EPS15: variants seen among roughly 807,000 people sequenced by gnomAD.
EPS15 encodes the protein epidermal growth factor receptor substrate 15.
In EPS15, 72 loss-of-function variants were observed where a neutral mutation model predicts 113.8. That is an observed-to-expected ratio of 0.63 (90% CI 0.52 to 0.77). The LOEUF (loss-of-function observed/expected upper bound fraction) is 0.77, where lower values mean the gene tolerates loss of function less well. Among genes scored for constraint, EPS15 ranks in the 30% least tolerant of loss-of-function variants. The pLI is 0.00. For synonymous variants in EPS15, 344 were observed against 363.4 expected, an observed-to-expected ratio of 0.95 and a Z score of 0.61; for missense variants, 1,048 against 1,045.8, an observed-to-expected ratio of 1.00 and a Z score of -0.03.
intron 11 of EPS15, among the ~76,000 whole-genome samples, chr1:51,443,303 GA>G (rs879388739): frequency 0.021 from 2,827 of 132,282 alleles, 85 homozygotes; most frequent in African/African-American, 0.074. Context: ...GAAGAAGGCA[GA>G]AAAAAAAAAA....
chr1:51,462,546 CTCAGTAG>C (rs1419312700), intron 7 of EPS15, among the ~76,000 whole-genome samples: 2 of 152,026 alleles, frequency 1.3e-5, no homozygotes, highest in Non-Finnish European at 2.9e-5. Context: ...ACTACACCTG[CTCAGTAG>C]TCCACATGCA....
chr1:51,374,131 A>C (rs1054284686), intron 21 of EPS15, among the ~76,000 whole-genome samples: 1 of 152,202 alleles, frequency 6.6e-6, no homozygotes. Context: ...CTCCTGCTGG[A>C]GTCAAAGATG....
chr1:51,475,232 T>A (rs1440778252), intron 2 of EPS15, among the ~76,000 whole-genome samples: 2 of 152,190 alleles, frequency 1.3e-5, no homozygotes, highest in Non-Finnish European at 2.9e-5. Context: ...GTATTTCTAG[T>A]TCTAGATCCT....
chr1:51,495,027 C>A (rs1644300761), intron 1 of EPS15, among the ~76,000 whole-genome samples: 1 of 152,184 alleles, frequency 6.6e-6, no homozygotes, highest in Non-Finnish European at 1.5e-5. Context: ...GAAATGTAAC[C>A]TTAGTGGGAC....
chr1:51,357,350 C>T (rs1234172127), intron 24 of EPS15, among the ~76,000 whole-genome samples: 1 of 121,136 alleles, frequency 8.3e-6, no homozygotes, highest in Non-Finnish European at 1.6e-5. Context: ...GCACTCCAGC[C>T]TGGGTGACAA....
intron 20 of EPS15, among the ~76,000 whole-genome samples, chr1:51,398,115 G>A (rs1160858071): frequency 1.3e-5 from 2 of 150,808 alleles, no homozygotes; most frequent in South Asian, 2.1e-4. Flanking sequence ...GTGCAGTGGC[G>A]CGATCTCGGC....
chr1:51,483,398 AGTGTGTGTGTGTGTGT>A (rs58892404), intron 1 of EPS15, among the ~76,000 whole-genome samples: 99 of 141,782 alleles, frequency 7.0e-4, no homozygotes, highest in African/African-American at 2.4e-3. Flanking sequence ...CAAGACTGCA[AGTGTGTGTGTGTGTGT>A]GTGTGTGTGT....
rs748934362 is a variant in EPS15, at chr1:51,394,383, G to C, written c.2117C>G (p.Ser706Ter). 2 of 1,589,080 alleles carry C rather than the reference G, an allele frequency of 1.3e-6. No homozygotes were observed. Among genetic ancestry groups the C allele is most frequent in the Non-Finnish European group, 1.7e-6 (2 of 1,163,104 alleles). Residue 706 changes from serine (S) to a stop codon, truncating the protein, a stop_gained and splice_region_variant, in exon 21 of 25, where the codon TCA (serine) becomes TGA (stop). Coordinates refer to ENST00000371733, the MANE Select transcript of EPS15 (RefSeq NM_001981.3). LOFTEE classifies it high-confidence loss of function. The stretch of plus-strand genomic sequence containing the variant: ...AAGTTGATAAATTATTTATTTACCT[G>C]AATCGCTTGCTGCAACAACTGTTCC... ...PGGTVVAASD[S>*]ATDPFASVFG...
intron 1 of EPS15, among the ~76,000 whole-genome samples, chr1:51,502,345 A>AG (rs1310743383): frequency 1.3e-5 from 2 of 152,242 alleles, no homozygotes; most frequent in African/African-American, 4.8e-5. Flanking sequence ...ATACTTTTAA[A>AG]AAAACCCTTT....
chr1:51,361,506 C>T (rs1450336428), intron 23 of EPS15, 151 bp from the exon 24 acceptor site: 10 of 579,010 alleles, frequency 1.7e-5, no homozygotes, highest in Non-Finnish European at 3.0e-5. Flanking sequence ...ATAGCTACAC[C>T]AACAATTTGT....
At chr1:51,507,251 T>C (rs1644514080) in intron 1 of EPS15, among the ~76,000 whole-genome samples, 1 of 152,216 alleles carries the variant, frequency 6.6e-6, no homozygotes. Flanking sequence ...TAAATTATAG[T>C]GGACATATAT....
intron 21 of EPS15, 97 bp downstream of exon 21, chr1:51,394,284 G>A: frequency 1.5e-6 from 1 of 681,664 alleles, no homozygotes; most frequent in Non-Finnish European, 2.4e-6. Flanking sequence ...TAATTTTAAA[G>A]CTATAAATAA....
At chr1:51,371,845 G>A (rs777483530) in intron 21 of EPS15, among the ~76,000 whole-genome samples, 1 of 152,102 alleles carries the variant, frequency 6.6e-6, no homozygotes, top group Non-Finnish European at 1.5e-5. Context: ...CGCAAGCTCC[G>A]TTCATGGTTA....
rs759017975 is a variant in EPS15, at chr1:51,519,236, T to C, written c.-5A>G. 5.8e-6 allele frequency: 8 copies of C among 1,390,626 alleles called. No individual in the cohort carries two copies. The highest frequency in any genetic ancestry group is 5.6e-5 in the East Asian group (2 of 35,426). The allele number at this position is 1,390,626 out of a possible 1,614,324, so 86.1% of individuals were successfully genotyped here. A position where few individuals can be genotyped will look rare whatever the true frequency, so the allele number is the denominator to read the frequency against. On this transcript the variant is annotated 5_prime_UTR_variant, in exon 1 of 25. Transcript: ENST00000371733. Reference sequence around the variant, plus strand: ...GAGCTGGGCCGCCGCAGCCATGGTGTTTCCATCATGCAAGGGAGGGGAAGG... The same window carrying C: ...GAGCTGGGCCGCCGCAGCCATGGTGCTTCCATCATGCAAGGGAGGGGAAGG...
intron 17 of EPS15, 143 bp downstream of exon 17, chr1:51,403,276 G>T: frequency 2.3e-6 from 1 of 442,136 alleles, no homozygotes; most frequent in Non-Finnish European, 4.1e-6. Context: ...TGGCTATATT[G>T]CCTAAAGGTG....
At chr1:51,397,098 G>A (rs1648025423) in intron 20 of EPS15, 1 of 152,124 alleles carries the variant, frequency 6.6e-6, no homozygotes, top group Non-Finnish European at 1.5e-5. Flanking sequence ...CAGGCTGGTT[G>A]TGAACTACTT....
chr1:51,449,180 A>G (rs1273381966), intron 8 of EPS15, among the ~76,000 whole-genome samples: 2 of 152,208 alleles, frequency 1.3e-5, no homozygotes, highest in East Asian at 1.9e-4. Context: ...AAAGACATGG[A>G]ATCAACCTAA....
chr1:51,419,706 G>A (rs1194144362), intron 13 of EPS15, among the ~76,000 whole-genome samples: 1 of 152,086 alleles, frequency 6.6e-6, no homozygotes, highest in Non-Finnish European at 1.5e-5. Flanking sequence ...AAATTAGAAA[G>A]TAAGTATTGA....
intron 12 of EPS15, chr1:51,423,138 A>C: frequency 8.7e-7 from 1 of 1,147,816 alleles, no homozygotes; most frequent in Non-Finnish European, 1.1e-6. Flanking sequence ...CTATGGAAGA[A>C]AGCATACAAA....
Sources: gnomAD v4.1 joint callset for allele counts (sites outside exome capture counted in the v4.1 genomes callset) on GRCh38, gnomAD v4.1.1 for gene constraint, MANE v1.5 for transcripts, NCBI Gene and HGNC (gene_info 2026-07-23, HGNC 2026-07-21) for gene names.